Variants in CADPS2 observed in about 807,000 individuals in gnomAD.
The protein encoded by CADPS2 is calcium dependent secretion activator 2, also known as calcium-dependent secretion activator 2.
In CADPS2, 93 loss-of-function variants were observed where a neutral mutation model predicts 172.5. The observed-to-expected ratio is 0.54, with a 90% confidence interval of 0.46 to 0.64. The LOEUF (loss-of-function observed/expected upper bound fraction) is 0.64. Ranked by LOEUF, CADPS2 falls within the 30% of genes least tolerant of loss-of-function variation. The probability of loss-of-function intolerance (pLI) is 0.00; values close to 1 mark genes in which losing one functional copy is unlikely to be tolerated. For missense variants in CADPS2, 1,420 were observed against 1,565.9 expected (o/e 0.91, Z 1.57); for synonymous variants, 546 against 555.2 (o/e 0.98, Z 0.23).
chr7:122,418,066 A>G (rs2048132769), intron 17 of CADPS2, among the ~76,000 whole-genome samples: 2 of 152,030 alleles, frequency 1.3e-5, no homozygotes, highest in South Asian at 4.2e-4. Flanking sequence ...GCTACTCAGG[A>G]GGCTGAGGCA....
chr7:122,645,486 G>A (rs2078350497), intron 3 of CADPS2, among the ~76,000 whole-genome samples: 1 of 86,584 alleles, frequency 1.2e-5, no homozygotes, highest in Non-Finnish European at 2.2e-5. Flanking sequence ...TATATATTTA[G>A]CGTATATATA....
intron 2 of CADPS2, among the ~76,000 whole-genome samples, chr7:122,677,522 A>G (rs2082508310): frequency 6.6e-6 from 1 of 152,214 alleles, no homozygotes; most frequent in Admixed American, 6.5e-5. Context: ...TCAATATTTA[A>G]GGCAGAGAGT....
At chr7:122,583,084 G>GA (rs879830017) in intron 6 of CADPS2, among the ~76,000 whole-genome samples, 97 of 142,080 alleles carry the variant, frequency 6.8e-4, no homozygotes, top group East Asian at 1.0e-3. Flanking sequence ...GAATGCGGAG[G>GA]AAAAAAAAAA....
chr7:122,769,043 T>C (rs1036502527), intron 1 of CADPS2, among the ~76,000 whole-genome samples: 4 of 151,904 alleles, frequency 2.6e-5, no homozygotes, highest in African/African-American at 9.7e-5. Flanking sequence ...CGCTGTCAAA[T>C]TGGGTCTATG....
chr7:122,806,608 C>T (rs1221674437), intron 1 of CADPS2, among the ~76,000 whole-genome samples: 1 of 152,176 alleles, frequency 6.6e-6, no homozygotes, highest in Non-Finnish European at 1.5e-5. Context: ...TCTCTCACAG[C>T]TTAACATTAA....
intron 5 of CADPS2, among the ~76,000 whole-genome samples, chr7:122,615,931 A>T (rs1019602397): frequency 6.6e-6 from 1 of 152,078 alleles, no homozygotes; most frequent in Non-Finnish European, 1.5e-5. Flanking sequence ...GATATGTACT[A>T]ATTTAATTCA....
At chr7:122,435,062 T>C (rs1372850606) in intron 17 of CADPS2, among the ~76,000 whole-genome samples, 6 of 152,210 alleles carry the variant, frequency 3.9e-5, no homozygotes, top group African/African-American at 1.4e-4. Flanking sequence ...ATACTTTACC[T>C]ACAAAGTATT....
intron 9 of CADPS2, among the ~76,000 whole-genome samples, chr7:122,491,746 T>C (rs2058307703): frequency 3.9e-5 from 6 of 152,162 alleles, no homozygotes; most frequent in Admixed American, 2.6e-4. Context: ...AGAAGATAAA[T>C]AGCCTTCTTT....
intron 2 of CADPS2, among the ~76,000 whole-genome samples, chr7:122,673,442 C>A (rs1431055527): frequency 2.0e-5 from 3 of 152,194 alleles, no homozygotes; most frequent in African/African-American, 7.2e-5. Flanking sequence ...CATAAAAGTT[C>A]TCCAAGTCCC....
intron 1 of CADPS2, among the ~76,000 whole-genome samples, chr7:122,758,847 T>C (rs1195068657): frequency 4.6e-5 from 7 of 152,118 alleles, no homozygotes; most frequent in Admixed American, 4.6e-4. Flanking sequence ...AAACTAATCT[T>C]CATCACCAGA....
chr7:122,530,898 G>C (rs1475544291), intron 8 of CADPS2, among the ~76,000 whole-genome samples: 1 of 152,142 alleles, frequency 6.6e-6, no homozygotes, highest in Non-Finnish European at 1.5e-5. Flanking sequence ...TCTGGGGAGA[G>C]GGACCTCCTG....
rs547638358 is a variant in CADPS2 at position 122,354,828 on chromosome 7, G to A, written c.3504+5960C>T. Among the ~76,000 whole-genome samples, 270 of 152,072 alleles carry A rather than the reference G, an allele frequency of 1.8e-3. 1 individual carries two copies. The highest frequency in any genetic ancestry group is 6.3e-3 in the African/African-American group (260 of 41,490). On this transcript the variant is annotated intron_variant, in intron 27 of 29. Transcript: ENST00000449022. ...TGAGCATTCCAAGGTTCTATGATGG[G>A]GCCATAAACTGTATAACTGCCACAG...
intron 22 of CADPS2, among the ~76,000 whole-genome samples, chr7:122,391,472 T>C (rs999027277): frequency 6.6e-6 from 1 of 151,908 alleles, no homozygotes; most frequent in South Asian, 2.1e-4. Context: ...GTTAAATAGA[T>C]GAGAAATTAG....
At chr7:122,555,669 C>A (rs906281721) in intron 7 of CADPS2, among the ~76,000 whole-genome samples, 2 of 152,004 alleles carry the variant, frequency 1.3e-5, no homozygotes, top group African/African-American at 4.8e-5. Flanking sequence ...CTTGAGGCAA[C>A]ACAAAGTGAT....
intron 7 of CADPS2, among the ~76,000 whole-genome samples, chr7:122,570,186 G>A (rs1213666608): frequency 1.3e-5 from 2 of 150,780 alleles, no homozygotes; most frequent in African/African-American, 4.9e-5. Flanking sequence ...AAATTTACAA[G>A]AAAAAAACAA....
intron 8 of CADPS2, among the ~76,000 whole-genome samples, chr7:122,544,287 C>T (rs1224757822): frequency 6.6e-6 from 1 of 152,084 alleles, no homozygotes; most frequent in Non-Finnish European, 1.5e-5. Context: ...ATGTGACATA[C>T]ATCATGGGCT....
intron 1 of CADPS2, among the ~76,000 whole-genome samples, chr7:122,765,560 T>C (rs1264685378): frequency 6.6e-6 from 1 of 152,158 alleles, no homozygotes; most frequent in Non-Finnish European, 1.5e-5. Flanking sequence ...ATGAACATTG[T>C]TACAATGTCT....
intron 1 of CADPS2, among the ~76,000 whole-genome samples, chr7:122,874,705 C>T (rs1181508447): frequency 6.6e-6 from 1 of 152,118 alleles, no homozygotes; most frequent in Non-Finnish European, 1.5e-5. Context: ...TGAAACAGAA[C>T]AGAGGCCTCA....
intron 3 of CADPS2, among the ~76,000 whole-genome samples, chr7:122,636,460 ATGTTTT>A (rs2077069934): frequency 1.8e-5 from 2 of 108,166 alleles, no homozygotes; most frequent in Non-Finnish European, 3.5e-5. Flanking sequence ...TCCACAAGAG[ATGTTTT>A]TTTTTTTTTT....
Sources: gnomAD v4.1 joint callset for allele counts (sites outside exome capture counted in the v4.1 genomes callset) on GRCh38, gnomAD v4.1.1 for gene constraint, MANE v1.5 for transcripts, NCBI Gene and HGNC (gene_info 2026-07-23, HGNC 2026-07-21) for gene names.